Variants in KAT14 observed in about 807,000 individuals in gnomAD.
The protein encoded by KAT14 is cysteine-rich protein 2-binding protein.
KAT14 carries 66 observed loss-of-function variants against 78.4 expected under a neutral mutation model. The ratio of observed to expected loss-of-function variants is 0.84; its 90% confidence interval spans 0.69 to 1.03. The LOEUF is 1.03. KAT14 is among the 50% of genes least tolerant of loss of function. The probability of loss-of-function intolerance (pLI) is 0.00; values close to 1 mark genes in which losing one functional copy is unlikely to be tolerated. For synonymous variants in KAT14, 344 were observed against 359.4 expected, an observed-to-expected ratio of 0.96 and a Z score of 0.48; for missense variants, 870 against 972.5, an observed-to-expected ratio of 0.89 and a Z score of 1.40.
chr20:18,177,584 T>C (rs964213442), intron 7 of KAT14, among the ~76,000 whole-genome samples: 11 of 152,190 alleles, frequency 7.2e-5, no homozygotes, highest in African/African-American at 2.7e-4. Context: ...GAATTCAAAG[T>C]TGGCCTTTGA....
chr20:18,146,969 G>T (rs1329060530), intron 3 of KAT14, among the ~76,000 whole-genome samples: 1 of 152,138 alleles, frequency 6.6e-6, no homozygotes, highest in African/African-American at 2.4e-5. Flanking sequence ...GAACGAGACA[G>T]CTAAGGCCTC....
At chr20:18,137,315 A>C (rs968954885), upstream of KAT14, among the ~76,000 whole-genome samples, 22 of 151,932 alleles carry the variant, frequency 1.4e-4, no homozygotes, top group African/African-American at 4.8e-4. Context: ...TAATAATAAT[A>C]ATCCGAGCCT....
At chr20:18,168,614 CTTTG>C (rs2038743791) in intron 7 of KAT14, among the ~76,000 whole-genome samples, 4 of 152,046 alleles carry the variant, frequency 2.6e-5, no homozygotes, top group African/African-American at 7.2e-5. Context: ...AGAATTTTCT[CTTTG>C]TTTTTTATCT....
chr20:18,167,540 A>C (rs1164737854), intron 7 of KAT14, among the ~76,000 whole-genome samples: 1 of 152,208 alleles, frequency 6.6e-6, no homozygotes, highest in African/African-American at 2.4e-5. Context: ...ATTCGTAGCT[A>C]TAAGTTTCTC....
At chr20:18,143,154 T>C (rs911475101) in intron 2 of KAT14, 21 of 1,243,800 alleles carry the variant, frequency 1.7e-5, no homozygotes, top group Non-Finnish European at 2.1e-5. Context: ...CTCAATAAAA[T>C]TGAGAAAATT....
chr20:18,169,230 C>A (rs1012279704), intron 7 of KAT14, among the ~76,000 whole-genome samples: 12 of 152,054 alleles, frequency 7.9e-5, no homozygotes, highest in African/African-American at 2.9e-4. Context: ...TCCATTAAGC[C>A]CTTAACATAT....
rs369197322 is a variant in KAT14 at position 18,158,439 on chromosome 20, G to C, written c.501-645G>C. Among the ~76,000 whole-genome samples the C allele has an allele frequency of 7.9e-5, 12 of 152,334 alleles. 1 individual carries two copies. Among genetic ancestry groups the C allele is most frequent in the African/African-American group, 2.6e-4 (11 of 41,570 alleles). On this transcript the variant is annotated intron_variant, in intron 4 of 10. Coordinates refer to ENST00000688188, the MANE Select transcript of KAT14 (RefSeq NM_001392073.1). ...GATGTATCTTTTCAAGGTGGAAATAGAACAGTCGCCTTGAAAGAATTTCCG... is the reference window on the plus strand; with the variant it reads ...GATGTATCTTTTCAAGGTGGAAATACAACAGTCGCCTTGAAAGAATTTCCG...
In KAT14 at chr20:18,162,410, AC is replaced by A; in HGVS notation, c.1136del (p.Pro379GlnfsTer13). The A allele has an allele frequency of 6.2e-7, 1 of 1,613,798 alleles. No homozygotes were observed. The highest frequency in any genetic ancestry group is 8.5e-7 in the Non-Finnish European group (1 of 1,179,908). ...GAGATGGAAGGCGATGGAGTCATAG[AC>A]CCAGGGATGGAGTACGTCCCACCCC... ...DDEMEGDGVI[D>X]PGMEYVPPPA... is the part of the protein sequence containing the mutation. On this transcript the variant is annotated frameshift_variant, in exon 7 of 11. Transcript: ENST00000688188. LOFTEE classifies it high-confidence loss of function.
At chr20:18,141,032 TTTTTTTTTTTTTTTA>T (rs1458916142) in intron 1 of KAT14, among the ~76,000 whole-genome samples, 4 of 17,014 alleles carry the variant, frequency 2.4e-4, no homozygotes, top group African/African-American at 4.2e-4. Context: ...AATTTTTTTT[TTTTTTTTTTTTTTTA>T]TTTTTATTTT....
intron 4 of KAT14, among the ~76,000 whole-genome samples, chr20:18,158,592 A>G (rs901515120): frequency 2.0e-5 from 3 of 152,232 alleles, no homozygotes; most frequent in Non-Finnish European, 2.9e-5. Context: ...AGATAGGATC[A>G]GATTGAGAGA....
intron 7 of KAT14, among the ~76,000 whole-genome samples, chr20:18,181,240 A>G (rs1312562889): frequency 1.3e-5 from 2 of 152,172 alleles, no homozygotes; most frequent in Non-Finnish European, 2.9e-5. Context: ...AAAGGTGTCT[A>G]TAAACTTTGT....
chr20:18,143,298 G>T (rs917868000), intron 2 of KAT14: 2 of 501,784 alleles, frequency 4.0e-6, no homozygotes, highest in South Asian at 5.3e-5. Flanking sequence ...TTTAACTTAC[G>T]TGGAGAACTC....
chr20:18,148,107 T>C (rs1600218465), intron 3 of KAT14, among the ~76,000 whole-genome samples: 1 of 152,192 alleles, frequency 6.6e-6, no homozygotes, highest in African/African-American at 2.4e-5. Context: ...ATGGACTCCA[T>C]TGATGTAGCC....
At position 18,187,250 on chromosome 20, in the gene KAT14, C is replaced by G. The variant is rs188684618; in HGVS notation, c.2173-36C>G. ...CCTACTCATTTTCCCTCAGGCCTTT[C>G]CATTTTTATCTTGTATTTTTCCACT... On this transcript the variant is annotated intron_variant, in intron 10 of 10. Coordinates refer to ENST00000688188, the MANE Select transcript of KAT14 (RefSeq NM_001392073.1). 11,587 of 1,565,146 alleles carry G rather than the reference C, an allele frequency of 7.4e-3. 61 individuals carry two copies. Among genetic ancestry groups the G allele is most frequent in the Non-Finnish European group, 9.1e-3 (10,587 of 1,162,662 alleles).
chr20:18,180,417 A>C (rs1446436472), intron 7 of KAT14, among the ~76,000 whole-genome samples: 1 of 152,054 alleles, frequency 6.6e-6, no homozygotes, highest in Non-Finnish European at 1.5e-5. Context: ...CATTCAACAA[A>C]TCTCTAGGAA....
At chr20:18,182,760 G>C (rs954887487) in intron 8 of KAT14, among the ~76,000 whole-genome samples, 2 of 152,146 alleles carry the variant, frequency 1.3e-5, no homozygotes, top group African/African-American at 4.8e-5. Context: ...TTGTGTCTCT[G>C]GTGTTCCCCA....
At chr20:18,175,939 T>A (rs1418342871) in intron 7 of KAT14, among the ~76,000 whole-genome samples, 1 of 145,596 alleles carries the variant, frequency 6.9e-6, no homozygotes, top group African/African-American at 2.6e-5. Context: ...AGCTAGGAGG[T>A]CAAGGCTGTA....
chr20:18,162,900 G>A lies in KAT14; in HGVS notation c.1623G>A (p.Thr541=), dbSNP rs369992102. 3.4e-5 allele frequency: 55 copies of A among 1,614,052 alleles called. No homozygotes were observed. The highest frequency in any genetic ancestry group is 2.6e-4 in the South Asian group (24 of 91,084). ...GISRLPAGQA[T]YRTTCQDFRI... is the part of the protein sequence containing the mutation. ...CCAGACTTCCAGCTGGACAAGCCAC[G>A]TACAGAACCACCTGTCAGGACTTCA... Residue 541 remains threonine (T), a synonymous_variant, in exon 7 of 11, where the codon ACG becomes ACA. Transcript: ENST00000688188.
intron 7 of KAT14, among the ~76,000 whole-genome samples, chr20:18,175,398 C>T (rs1339815894): frequency 3.9e-5 from 6 of 152,056 alleles, no homozygotes; most frequent in South Asian, 2.1e-4. Context: ...GAGAAGTGCT[C>T]GGGGGAGGAG....
Sources: gnomAD v4.1 joint callset for allele counts (sites outside exome capture counted in the v4.1 genomes callset) on GRCh38, gnomAD v4.1.1 for gene constraint, MANE v1.5 for transcripts, NCBI Gene and HGNC (gene_info 2026-07-23, HGNC 2026-07-21) for gene names.